Variants in ROBO1 observed in about 807,000 individuals in gnomAD.
ROBO1 encodes the protein roundabout guidance receptor 1.
A neutral mutation model predicts 195.9 loss-of-function variants in ROBO1; 149 were observed. The observed-to-expected ratio is 0.76, with a 90% confidence interval of 0.67 to 0.87. ROBO1 has a LOEUF of 0.87. Among genes scored for constraint, ROBO1 ranks in the 40% least tolerant of loss-of-function variants. The probability of loss-of-function intolerance (pLI) is 0.00; values close to 1 mark genes in which losing one functional copy is unlikely to be tolerated. For missense variants in ROBO1, 1,933 were observed against 2,068.3 expected, an observed-to-expected ratio of 0.93 and a Z score of 1.27; for synonymous variants, 816 against 733.2, an observed-to-expected ratio of 1.11 and a Z score of -1.82.
intron 2 of ROBO1, among the ~76,000 whole-genome samples, chr3:79,284,173 T>G (rs1351164325): frequency 6.6e-6 from 1 of 152,006 alleles, no homozygotes; most frequent in East Asian, 1.9e-4. Context: ...ACCCTAGATA[T>G]GTCGATGTTC....
At chr3:78,863,427 G>A (rs917199984) in intron 4 of ROBO1, among the ~76,000 whole-genome samples, 8 of 152,234 alleles carry the variant, frequency 5.3e-5, no homozygotes, top group African/African-American at 1.7e-4. Flanking sequence ...GGGGGGAAAT[G>A]TGCAAACTAT....
chr3:79,333,719 G>A (rs1226100714), intron 2 of ROBO1, among the ~76,000 whole-genome samples: 3 of 152,092 alleles, frequency 2.0e-5, no homozygotes, highest in Non-Finnish European at 2.9e-5. Context: ...GTATGTTTTG[G>A]TTACATTTAA....
chr3:79,655,445 T>C (rs1456804114), intron 1 of ROBO1, among the ~76,000 whole-genome samples: 1 of 152,040 alleles, frequency 6.6e-6, no homozygotes, highest in Non-Finnish European at 1.5e-5. Context: ...TTTACTACTC[T>C]TGTGTGGAAA....
chr3:79,766,112 G>T (rs932479493), intron 1 of ROBO1, among the ~76,000 whole-genome samples: 6 of 151,144 alleles, frequency 4.0e-5, no homozygotes, highest in Non-Finnish European at 7.4e-5. Flanking sequence ...TATAGAAGGA[G>T]CCTCCAGTGA....
At chr3:78,911,797 A>C (rs1294907159) in intron 4 of ROBO1, among the ~76,000 whole-genome samples, 1 of 152,094 alleles carries the variant, frequency 6.6e-6, no homozygotes, top group Non-Finnish European at 1.5e-5. Context: ...ATATACACAG[A>C]ATCTAACAAC....
chr3:79,439,303 A>C (rs2038981963), intron 2 of ROBO1, among the ~76,000 whole-genome samples: 1 of 152,100 alleles, frequency 6.6e-6, no homozygotes, highest in Admixed American at 6.6e-5. Flanking sequence ...TGTATACAAC[A>C]ATCTTTTCCC....
At chr3:79,284,460 T>A (rs1436857319) in intron 2 of ROBO1, among the ~76,000 whole-genome samples, 3 of 152,128 alleles carry the variant, frequency 2.0e-5, no homozygotes, top group African/African-American at 7.2e-5. Context: ...TCTGCATGTG[T>A]ATCCTGGAAC....
intron 2 of ROBO1, among the ~76,000 whole-genome samples, chr3:79,346,502 G>GA (rs144323312): frequency 0.019 from 2,960 of 152,012 alleles, 80 homozygotes; most frequent in African/African-American, 0.063. Flanking sequence ...AACTCTTTAA[G>GA]AAAAAACATT....
intron 1 of ROBO1, among the ~76,000 whole-genome samples, chr3:79,665,861 C>CA (rs1946461873): frequency 6.6e-6 from 1 of 151,790 alleles, no homozygotes; most frequent in Non-Finnish European, 1.5e-5. Flanking sequence ...CTTAATTTCA[C>CA]AACTCAGAGG....
chr3:78,859,929 A>T (rs1013461166), intron 4 of ROBO1, among the ~76,000 whole-genome samples: 5 of 152,124 alleles, frequency 3.3e-5, no homozygotes, highest in African/African-American at 1.2e-4. Context: ...AATACAAAAA[A>T]TTAGCCGGGC....
chr3:79,354,427 A>G (rs1245667811), intron 2 of ROBO1, among the ~76,000 whole-genome samples: 2 of 152,168 alleles, frequency 1.3e-5, no homozygotes, highest in Admixed American at 1.3e-4. Context: ...TTACCATGCC[A>G]ACTTCTCTCA....
intron 2 of ROBO1, among the ~76,000 whole-genome samples, chr3:79,529,926 C>G (rs1559967834): frequency 6.6e-6 from 1 of 152,010 alleles, no homozygotes; most frequent in Admixed American, 6.6e-5. Flanking sequence ...TCCACAGGCA[C>G]CTGTTTCTTT....
chr3:78,694,692 T>C (rs2081247496), intron 8 of ROBO1, among the ~76,000 whole-genome samples: 1 of 152,190 alleles, frequency 6.6e-6, no homozygotes, highest in Non-Finnish European at 1.5e-5. Flanking sequence ...CGTGGTTACA[T>C]TTCTTGACAC....
chr3:79,553,822 C>G (rs999314451), intron 2 of ROBO1, among the ~76,000 whole-genome samples: 5 of 152,024 alleles, frequency 3.3e-5, no homozygotes, highest in Non-Finnish European at 7.4e-5. Context: ...CTGTCTGGAT[C>G]CAGCACAGAT....
At chr3:79,611,755 G>C (rs1226323733) in intron 1 of ROBO1, among the ~76,000 whole-genome samples, 5 of 152,046 alleles carry the variant, frequency 3.3e-5, no homozygotes, top group African/African-American at 9.7e-5. Flanking sequence ...GGGGACTAAG[G>C]GAGAGATAGC....
At chr3:79,417,501 G>A (rs1467662563) in intron 2 of ROBO1, among the ~76,000 whole-genome samples, 1 of 152,038 alleles carries the variant, frequency 6.6e-6, no homozygotes, top group Non-Finnish European at 1.5e-5. Context: ...AACTATATGA[G>A]ATAATAGATA....
intron 2 of ROBO1, among the ~76,000 whole-genome samples, chr3:79,583,876 G>A (rs942231866): frequency 2.6e-4 from 40 of 151,766 alleles, no homozygotes; most frequent in Non-Finnish European, 5.9e-5. Context: ...TGCACCTTTC[G>A]GAGCAGAGCA....
chr3:79,737,560 G>T (rs1357542156), intron 1 of ROBO1, among the ~76,000 whole-genome samples: 4 of 152,148 alleles, frequency 2.6e-5, no homozygotes, highest in African/African-American at 9.6e-5. Flanking sequence ...ATATCAGAAG[G>T]CAGAGAGGCA....
intron 2 of ROBO1, among the ~76,000 whole-genome samples, chr3:79,128,235 C>T (rs1411205923): frequency 6.6e-6 from 1 of 152,084 alleles, no homozygotes; most frequent in Non-Finnish European, 1.5e-5. Flanking sequence ...GCTACCCAGG[C>T]CTGAATTGAA....
Sources: allele counts gnomAD v4.1 joint callset (sites outside exome capture counted in the v4.1 genomes callset), GRCh38; gene constraint gnomAD v4.1.1; transcripts MANE v1.5; gene names NCBI Gene and HGNC (gene_info 2026-07-23, HGNC 2026-07-21).